Variants in TAPT1 observed in about 807,000 individuals in gnomAD.
TAPT1 encodes the protein transmembrane anterior posterior transformation protein 1 homolog.
In TAPT1, 28 loss-of-function variants were observed where a neutral mutation model predicts 65.6. The observed-to-expected ratio is 0.43, with a 90% CI of 0.32 to 0.59. TAPT1 has a LOEUF of 0.59. TAPT1 is among the 20% of genes least tolerant of loss of function. The probability of loss-of-function intolerance (pLI) is 0.09; values close to 1 mark genes in which losing one functional copy is unlikely to be tolerated. For synonymous variants in TAPT1, 278 were observed against 245.2 expected, an observed-to-expected ratio of 1.13 and a Z score of -1.25; for missense variants, 563 against 679.9, an observed-to-expected ratio of 0.83 and a Z score of 1.91.
At chr4:16,184,708 T>C (rs1286798802) in intron 7 of TAPT1, among the ~76,000 whole-genome samples, 1 of 152,198 alleles carries the variant, frequency 6.6e-6, no homozygotes, top group African/African-American at 2.4e-5. Flanking sequence ...TCCAGTGACA[T>C]TTTCCCTAAT....
At chr4:16,166,329 C>T (rs1747616305) in intron 13 of TAPT1, among the ~76,000 whole-genome samples, 1 of 152,240 alleles carries the variant, frequency 6.6e-6, no homozygotes, top group African/African-American at 2.4e-5. Flanking sequence ...TTTCTCTCTA[C>T]CCCTCTTCCC....
intron 13 of TAPT1, 56 bp downstream of exon 13, chr4:16,166,577 T>C: frequency 1.3e-6 from 2 of 1,585,590 alleles, no homozygotes; most frequent in South Asian, 1.1e-5. Context: ...TTGATCAAAC[T>C]GTGATTTAAC....
chr4:16,196,251 C>T (rs1578452177), intron 3 of TAPT1, among the ~76,000 whole-genome samples: 1 of 152,100 alleles, frequency 6.6e-6, no homozygotes, highest in African/African-American at 2.4e-5. Flanking sequence ...CAAACCATTT[C>T]TTAAACTTTA....
chr4:16,182,606 A>C (rs1748773616), intron 7 of TAPT1, among the ~76,000 whole-genome samples: 1 of 152,222 alleles, frequency 6.6e-6, no homozygotes, highest in South Asian at 2.1e-4. Flanking sequence ...GCAGGCTTCT[A>C]AGAGTGCTAA....
At chr4:16,174,837 G>A (rs1025416599) in intron 9 of TAPT1, 108 bp from the exon 10 acceptor site, 9 of 767,842 alleles carry the variant, frequency 1.2e-5, no homozygotes, top group Admixed American at 1.1e-4. Flanking sequence ...AGGAACAAGT[G>A]CTAATAACCA....
chr4:16,222,076 G>T (rs1042926672), intron 1 of TAPT1, among the ~76,000 whole-genome samples: 1 of 152,168 alleles, frequency 6.6e-6, no homozygotes, highest in Non-Finnish European at 1.5e-5. Flanking sequence ...AGGTCATAAG[G>T]TTATAAAGCA....
Position 16,163,263 on chromosome 4 carries a change from T to C in TAPT1, c.*45A>G, listed in dbSNP as rs989658118. The C allele has an allele frequency of 7.1e-7, 1 of 1,404,478 alleles. No homozygotes were observed. The highest frequency in any genetic ancestry group is 1.4e-5 in the African/African-American group (1 of 70,674). 87.0% of individuals were successfully genotyped at this position (1,404,478 alleles called of 1,614,324 possible). On this transcript the variant is annotated 3_prime_UTR_variant, in exon 14 of 14. Transcript: ENST00000405303. The stretch of plus-strand genomic sequence containing the variant: ...TCTATTTGTCCTGGCAACACAGCAC[T>C]TGTTGCCCCAGGACCCAGCTTCTTC...
At position 16,181,132 on chromosome 4, in the gene TAPT1, T is replaced by C. The variant is rs184239245; in HGVS notation, c.917-1475A>G. ...TTCCATCAAAGTCTGACACAAAATA[T>C]ATTCTTTGTTACTACAGCTAACTGT... On this transcript the variant is annotated intron_variant, in intron 7 of 13. Coordinates refer to ENST00000405303, the MANE Select transcript of TAPT1 (RefSeq NM_153365.3). Among the ~76,000 whole-genome samples the C allele has an allele frequency of 6.4e-4, 98 of 152,362 alleles. 1 individual carries two copies. The highest frequency in any genetic ancestry group is 2.2e-3 in the African/African-American group (91 of 41,576).
intron 12 of TAPT1, 33 bp downstream of exon 12, chr4:16,170,620 T>A: frequency 3.3e-6 from 5 of 1,531,204 alleles, no homozygotes; most frequent in Non-Finnish European, 4.5e-6. Flanking sequence ...TGCTTTACTG[T>A]ATAGCCAAAA....
chr4:16,208,688 A>G (rs1054254807), intron 2 of TAPT1, among the ~76,000 whole-genome samples: 1 of 152,070 alleles, frequency 6.6e-6, no homozygotes, highest in Non-Finnish European at 1.5e-5. Context: ...AACAACTGAG[A>G]CCTCTTTTCT....
intron 5 of TAPT1, among the ~76,000 whole-genome samples, chr4:16,187,399 A>G (rs1450850151): frequency 6.6e-6 from 1 of 152,184 alleles, no homozygotes; most frequent in Admixed American, 6.5e-5. Flanking sequence ...ATTCTTCTTC[A>G]TATGTCATTT....
At chr4:16,183,618 C>T (rs983366049) in intron 7 of TAPT1, among the ~76,000 whole-genome samples, 2 of 152,044 alleles carry the variant, frequency 1.3e-5, no homozygotes, top group African/African-American at 4.8e-5. Context: ...TTAAGATCTG[C>T]GTGTCTAGTT....
intron 13 of TAPT1, among the ~76,000 whole-genome samples, chr4:16,165,565 G>A (rs371883113): frequency 0.012 from 1,560 of 129,314 alleles, 24 homozygotes; most frequent in South Asian, 0.03. Context: ...GCAAAACTCC[G>A]TCTCAAAAAA....
intron 2 of TAPT1, among the ~76,000 whole-genome samples, chr4:16,208,433 A>G (rs1478705254): frequency 1.3e-5 from 2 of 152,190 alleles, no homozygotes; most frequent in East Asian, 3.8e-4. Context: ...GGACAATAAG[A>G]CAGAAGTGGA....
At chr4:16,189,870 T>C (rs1473883706) in intron 4 of TAPT1, among the ~76,000 whole-genome samples, 2 of 152,128 alleles carry the variant, frequency 1.3e-5, no homozygotes, top group Non-Finnish European at 2.9e-5. Flanking sequence ...CTTTCCAGTG[T>C]CCTAAGATGG....
intron 3 of TAPT1, among the ~76,000 whole-genome samples, chr4:16,198,952 T>C (rs2149700367): frequency 6.6e-6 from 1 of 152,322 alleles, no homozygotes; most frequent in Admixed American, 6.5e-5. Flanking sequence ...TTTTCTAAAT[T>C]GCTCAAAGAA....
intron 3 of TAPT1, among the ~76,000 whole-genome samples, chr4:16,192,266 T>C (rs1400364391): frequency 6.6e-6 from 1 of 152,248 alleles, no homozygotes; most frequent in Non-Finnish European, 1.5e-5. Flanking sequence ...ACTGATACAG[T>C]GTTTGATCAA....
intron 12 of TAPT1, among the ~76,000 whole-genome samples, chr4:16,169,998 C>A (rs1440761900): frequency 6.6e-6 from 1 of 152,196 alleles, no homozygotes. Flanking sequence ...GAGGGTGGAA[C>A]AGGTTTCCCG....
intron 13 of TAPT1, among the ~76,000 whole-genome samples, 180 bp from the exon 14 acceptor site, chr4:16,163,717 C>T (rs994839085): frequency 6.6e-6 from 1 of 152,188 alleles, no homozygotes; most frequent in Non-Finnish European, 1.5e-5. Context: ...AACTTAGAGG[C>T]TAATCATCTG....
Sources: allele counts gnomAD v4.1 joint callset (sites outside exome capture counted in the v4.1 genomes callset), GRCh38; gene constraint gnomAD v4.1.1; transcripts MANE v1.5; gene names NCBI Gene and HGNC (gene_info 2026-07-23, HGNC 2026-07-21).